Variants in MCF2L2 observed in about 807,000 individuals in gnomAD.
MCF2L2 encodes probable guanine nucleotide exchange factor MCF2L2.
MCF2L2 carries 102 observed loss-of-function variants against 150.2 expected under a neutral mutation model. That is an observed-to-expected ratio of 0.68 (90% CI 0.58 to 0.80). MCF2L2 has a LOEUF of 0.80. Among genes scored for constraint, MCF2L2 ranks in the 30% least tolerant of loss-of-function variants. The pLI, the probability that MCF2L2 is intolerant of heterozygous loss-of-function variation, is 0.00. For missense variants in MCF2L2, 1,256 were observed against 1,372.8 expected (o/e 0.91, Z 1.34); for synonymous variants, 465 against 491.3 (o/e 0.95, Z 0.71).
At chr3:183,300,785 G>A (rs1728802195) in intron 10 of MCF2L2, among the ~76,000 whole-genome samples, 1 of 152,042 alleles carries the variant, frequency 6.6e-6, no homozygotes, top group African/African-American at 2.4e-5. Context: ...GGGAGGCCGA[G>A]GTGGGCGGAT....
At chr3:183,388,699 T>C (rs1326747646) in intron 2 of MCF2L2, among the ~76,000 whole-genome samples, 2 of 152,140 alleles carry the variant, frequency 1.3e-5, no homozygotes, top group East Asian at 3.9e-4. Flanking sequence ...GACCAGAGAA[T>C]TCCCCCAGAA....
At chr3:183,406,261 A>AT (rs1378145021) in intron 1 of MCF2L2, among the ~76,000 whole-genome samples, 2 of 151,856 alleles carry the variant, frequency 1.3e-5, no homozygotes, top group South Asian at 4.2e-4. Context: ...TGGTATCGTC[A>AT]TTTTTTTTAG....
chr3:183,379,057 G>GTT, intron 3 of MCF2L2: 1 of 446,970 alleles, frequency 2.2e-6, no homozygotes. Context: ...ACCCGACCAT[G>GTT]TTTACTCTGT....
intron 14 of MCF2L2, chr3:183,287,859 C>A (rs185583509): frequency 6.6e-6 from 1 of 152,336 alleles, no homozygotes; most frequent in African/African-American, 2.4e-5. Flanking sequence ...TTCTTCCGGA[C>A]TCTTTCAAGG....
At chr3:183,394,633 T>C (rs1577120048) in intron 1 of MCF2L2, among the ~76,000 whole-genome samples, 2 of 152,382 alleles carry the variant, frequency 1.3e-5, no homozygotes, top group African/African-American at 4.8e-5. Flanking sequence ...CAGTGACTTT[T>C]ATCTTATCCA....
intron 7 of MCF2L2, among the ~76,000 whole-genome samples, chr3:183,316,608 G>A (rs901409816): frequency 1.3e-5 from 2 of 151,840 alleles, no homozygotes. Flanking sequence ...GCCTCCCAAA[G>A]TGCTAGGATT....
At chr3:183,186,722 C>T (rs570137427) in intron 27 of MCF2L2, among the ~76,000 whole-genome samples, 3 of 152,226 alleles carry the variant, frequency 2.0e-5, no homozygotes, top group South Asian at 4.2e-4. Flanking sequence ...AGTGAAACTC[C>T]GTCTCAAAAG....
chr3:183,227,451 T>A lies in MCF2L2; in HGVS notation c.2115+846A>T, dbSNP rs1723384523. 1 of 152,200 alleles carries A rather than the reference T, an allele frequency of 6.6e-6. No homozygotes were observed. Among genetic ancestry groups the A allele is most frequent in the Non-Finnish European group, 1.5e-5 (1 of 68,036 alleles). The allele number at this position is 152,200 out of a possible 1,614,324, so 9.4% of individuals were successfully genotyped here. ...CCTAAAGGAGGCTGTAGATTTAGAA[T>A]TTTCGAATCATCCTCTATGTTGTAA... On this transcript the variant is annotated intron_variant, in intron 18 of 29. Coordinates refer to ENST00000328913, the MANE Select transcript of MCF2L2 (RefSeq NM_015078.4). This position sits in a 1 kb window ranked among gnomAD's most constrained non-coding sequence, Gnocchi z 4.0.
intron 3 of MCF2L2, among the ~76,000 whole-genome samples, chr3:183,354,335 C>A (rs1221562551): frequency 1.3e-5 from 2 of 152,174 alleles, no homozygotes; most frequent in African/African-American, 2.4e-5. Context: ...AGAGAATCCC[C>A]TTCCCTTTCC....
At position 183,283,998 on chromosome 3, in the gene MCF2L2, T is replaced by C. The variant is rs1474333547; in HGVS notation, c.1776+5122A>G. On this transcript the variant is annotated intron_variant, in intron 14 of 29. Coordinates refer to ENST00000328913, the MANE Select transcript of MCF2L2 (RefSeq NM_015078.4). This position sits in a 1 kb window ranked among gnomAD's most constrained non-coding sequence, Gnocchi z 4.2. Reference sequence around the variant, plus strand: ...TTGTTTCCCCCATGAAAGTTTCAAGTTTCCTGAGTTTAGGCCTGATGATAC... The same window carrying C: ...TTGTTTCCCCCATGAAAGTTTCAAGCTTCCTGAGTTTAGGCCTGATGATAC... 6.6e-6 allele frequency among the ~76,000 whole-genome samples: 1 copy of C among 152,182 alleles called. No homozygotes were observed. Among genetic ancestry groups the C allele is most frequent in the Non-Finnish European group, 1.5e-5 (1 of 68,030 alleles).
rs1577049010 is a variant in MCF2L2 at position 183,305,827 on chromosome 3, C to T, written c.1113+3889G>A. Reference sequence around the variant, plus strand: ...TTGTGCCACTGCACTCCAGCCTGGGCGGCAAGAGTGAAACTCCGTCTCAAA... The same window carrying T: ...TTGTGCCACTGCACTCCAGCCTGGGTGGCAAGAGTGAAACTCCGTCTCAAA... On this transcript the variant is annotated intron_variant, in intron 10 of 29. Coordinates refer to ENST00000328913, the MANE Select transcript of MCF2L2 (RefSeq NM_015078.4). This position sits in a 1 kb window ranked among gnomAD's most constrained non-coding sequence, Gnocchi z 4.1. Among the ~76,000 whole-genome samples the T allele has an allele frequency of 2.6e-5, 4 of 152,128 alleles. No individual in the cohort carries two copies. The highest frequency in any genetic ancestry group is 7.2e-5 in the African/African-American group (3 of 41,486).
At chr3:183,280,479 C>T (rs1287842499) in intron 14 of MCF2L2, among the ~76,000 whole-genome samples, 1 of 151,738 alleles carries the variant, frequency 6.6e-6, no homozygotes, top group Non-Finnish European at 1.5e-5. Flanking sequence ...ATTAACTTTT[C>T]CCCAAAGTTA....
intron 14 of MCF2L2, among the ~76,000 whole-genome samples, chr3:183,282,929 G>A (rs1727584287): frequency 6.6e-6 from 1 of 152,144 alleles, no homozygotes; most frequent in East Asian, 1.9e-4. Context: ...AGAGGGTATA[G>A]GTGCTCTTAA....
At chr3:183,379,540 G>A in intron 2 of MCF2L2, 129 bp from the exon 3 acceptor site, 1 of 663,140 alleles carries the variant, frequency 1.5e-6, no homozygotes, top group Non-Finnish European at 2.7e-6. Context: ...GAATTTGGGA[G>A]AAGTTAACAC....
chr3:183,192,180 G>A (rs1260948679), intron 27 of MCF2L2, among the ~76,000 whole-genome samples: 9 of 150,106 alleles, frequency 6.0e-5, no homozygotes, highest in Non-Finnish European at 8.9e-5. Context: ...TCACTCTGTC[G>A]GCCAGGCTGG....
At chr3:183,363,128 T>A (rs921423386) in intron 3 of MCF2L2, among the ~76,000 whole-genome samples, 1 of 152,032 alleles carries the variant, frequency 6.6e-6, no homozygotes, top group African/African-American at 2.4e-5. Context: ...AAAATCAAAA[T>A]CCTAAATATT....
At chr3:183,208,732 G>A in intron 22 of MCF2L2, among the ~76,000 whole-genome samples, 1 of 152,200 alleles carries the variant, frequency 6.6e-6, no homozygotes, top group East Asian at 1.9e-4. Flanking sequence ...CTCCCTAAGT[G>A]ACCTCTAGCT....
At chr3:183,193,189 G>C (rs1000081085) in intron 26 of MCF2L2, 93 bp from the exon 27 acceptor site, 2 of 1,016,342 alleles carry the variant, frequency 2.0e-6, no homozygotes, top group East Asian at 2.4e-5. Flanking sequence ...CCCACCTAGT[G>C]TATCTCTGGT....
chr3:183,285,833 C>T lies in MCF2L2; in HGVS notation c.1776+3287G>A, dbSNP rs536387276. 5.1e-4 allele frequency among the ~76,000 whole-genome samples: 78 copies of T among 152,260 alleles called. 1 individual carries two copies. Among genetic ancestry groups the T allele is most frequent in the African/African-American group, 1.9e-3 (77 of 41,536 alleles). On this transcript the variant is annotated intron_variant, in intron 14 of 29. Transcript: ENST00000328913. ...GCTCTTTCTTAATTCTGTAGGTCCA[C>T]ATTTAGGAAAAAGAAATTGTCAGCC...
Sources: gnomAD v4.1 joint callset for allele counts (sites outside exome capture counted in the v4.1 genomes callset) on GRCh38, gnomAD v4.1.1 for gene constraint, Gnocchi (gnomAD v3.1) non-coding constraint, MANE v1.5 for transcripts, NCBI Gene and HGNC (gene_info 2026-07-23, HGNC 2026-07-21) for gene names.